The following CHD2 variants were observed in gnomAD, a reference collection of about 807,000 sequenced individuals.
CHD2 encodes ATP-dependent chromatin remodeler CHD2.
Under a neutral mutation model 243.9 loss-of-function variants are expected in CHD2, and 28 were observed. That is an observed-to-expected ratio of 0.11 (90% CI 0.09 to 0.16). The LOEUF (loss-of-function observed/expected upper bound fraction) is 0.16. CHD2 is among the 10% of genes least tolerant of loss of function. The probability of loss-of-function intolerance (pLI) is 1.00; values close to 1 mark genes in which losing one functional copy is unlikely to be tolerated. For synonymous variants in CHD2, 775 were observed against 779.0 expected, an observed-to-expected ratio of 0.99 and a Z score of 0.09; for missense variants, 1,386 against 2,209.8, an observed-to-expected ratio of 0.63 and a Z score of 7.47.
Position 93,012,337 on chromosome 15 carries a change from C to G in CHD2, c.4593-8C>G, listed in dbSNP as rs2054404064. The G allele has an allele frequency of 6.3e-7, 1 of 1,584,312 alleles. No homozygotes were observed. ...TAATTCACCAGAACTGTTCATTTTTCTTTTTAGGAACCTATGGATTTTTGT... is the reference window on the plus strand; with the variant it reads ...TAATTCACCAGAACTGTTCATTTTTGTTTTTAGGAACCTATGGATTTTTGT... On this transcript the variant is annotated splice_region_variant and splice_polypyrimidine_tract_variant and intron_variant, in intron 35 of 38. Transcript: ENST00000394196.
chr15:92,902,515 G>A lies in CHD2; in HGVS notation c.62+1216G>A, dbSNP rs562346435. On this transcript the variant is annotated intron_variant, in intron 2 of 38. Transcript: ENST00000394196. ...AATTTGAAAGTTTTGAACATGATGT[G>A]TTACTAATATGCTGAATTCTATTTA... 3 of 219,904 alleles carry A rather than the reference G, an allele frequency of 1.4e-5. No individual in the cohort carries two copies. The South Asian group carries it at 5.5e-4, about 40-fold the overall frequency. 13.6% of individuals were successfully genotyped at this position (219,904 alleles called of 1,614,324 possible).
intron 34 of CHD2, among the ~76,000 whole-genome samples, chr15:93,007,319 C>T (rs1238656076): frequency 1.3e-5 from 2 of 152,144 alleles, no homozygotes; most frequent in Admixed American, 1.3e-4. Flanking sequence ...CATTCATGTT[C>T]CTTGTGAATT....
At chr15:92,909,737 C>T (rs576103889) in intron 2 of CHD2, among the ~76,000 whole-genome samples, 12 of 152,106 alleles carry the variant, frequency 7.9e-5, no homozygotes, top group African/African-American at 2.9e-4. Context: ...ACCATGTTGC[C>T]CAGGCTGGTC....
At chr15:92,933,638 C>A (rs914252453) in intron 5 of CHD2, among the ~76,000 whole-genome samples, 1 of 152,096 alleles carries the variant, frequency 6.6e-6, no homozygotes, top group African/African-American at 2.4e-5. Flanking sequence ...GCGTTTTATT[C>A]TTACCAGGTG....
At position 92,972,850 on chromosome 15, in the gene CHD2, CA is replaced by C. The variant is rs758722546; in HGVS notation, c.2505+455del. Among the ~76,000 whole-genome samples, 22 of 7,292 alleles carry C rather than the reference CA, an allele frequency of 3.0e-3. 1 individual carries two copies. The highest frequency in any genetic ancestry group is 3.6e-3 in the African/African-American group (14 of 3,870). The allele number at this position is 7,292 out of a possible 152,430, so 4.8% of individuals were successfully genotyped here. On this transcript the variant is annotated intron_variant, in intron 19 of 38. Coordinates refer to ENST00000394196, the MANE Select transcript of CHD2 (RefSeq NM_001271.4). ...TGGGCGACAGAGCGAGACTCCGTCT[CA>C]AAAAAAAAAAAAAAAAAAAAAGATT...
At position 92,900,668 on chromosome 15, in the gene CHD2, T is replaced by C. The variant is rs924916891; in HGVS notation, c.-228T>C. On this transcript the variant is annotated 5_prime_UTR_variant, in exon 1 of 39. Transcript: ENST00000394196. The stretch of plus-strand genomic sequence containing the variant: ...TTCGGACCTGTTTTAGTATTAATTA[T>C]TGCTTTATTTTTTTGACCAGTTAAC... The C allele has an allele frequency of 5.0e-6, 2 of 398,568 alleles. No homozygotes were observed. The highest frequency in any genetic ancestry group is 4.4e-6 in the Non-Finnish European group (1 of 226,156). 24.7% of individuals were successfully genotyped at this position (398,568 alleles called of 1,614,324 possible).
At position 92,946,156 on chromosome 15, in the gene CHD2, T is replaced by C. The variant is rs753188917; in HGVS notation, c.1317T>C (p.Asn439=). Residue 439 remains asparagine (N), a synonymous_variant, in exon 12 of 39, where the codon AAT becomes AAC. Transcript: ENST00000394196. ...DEALIGKKFQ[N]CIDSFHSRNN... is the part of the protein sequence containing the mutation. ...CCCTCATTGGAAAGAAATTCCAGAA[T>C]TGCATTGACAGCTTCCACAGTAGGA... The C allele has an allele frequency of 1.4e-5, 22 of 1,613,688 alleles. No individual in the cohort carries two copies. Among genetic ancestry groups the C allele is most frequent in the Middle Eastern group, 3.3e-4 (2 of 6,080 alleles).
At chr15:92,921,554 CCTGT>C (rs1356761632) in intron 2 of CHD2, 2 of 152,140 alleles carry the variant, frequency 1.3e-5, no homozygotes, top group African/African-American at 2.4e-5. Flanking sequence ...TGTCTCTGTA[CCTGT>C]CTGTCCATGA....
At chr15:92,938,664 C>CT (rs2053307862) in intron 6 of CHD2, among the ~76,000 whole-genome samples, 1 of 152,142 alleles carries the variant, frequency 6.6e-6, no homozygotes, top group African/African-American at 2.4e-5. Context: ...CGTTGATCAT[C>CT]TGTTTAGGTT....
At chr15:92,983,971 G>C (rs2054010692) in intron 24 of CHD2, among the ~76,000 whole-genome samples, 1 of 151,962 alleles carries the variant, frequency 6.6e-6, no homozygotes, top group Non-Finnish European at 1.5e-5. Flanking sequence ...TGGAGTATTA[G>C]GTATTAAGCA....
chr15:92,910,753 C>T lies in CHD2; in HGVS notation c.62+9454C>T, dbSNP rs767884050. 1.4e-4 allele frequency among the ~76,000 whole-genome samples: 21 copies of T among 152,308 alleles called. 1 individual carries two copies. In the South Asian group the frequency reaches 1.5e-3, roughly 11 times the overall value. On this transcript the variant is annotated intron_variant, in intron 2 of 38. Transcript: ENST00000394196. ...TTCCTTCAGTTCCATTGTGTGCTTA[C>T]CAAGGATTAGTAGATACATCTTGAA...
rs150593366 is a variant in CHD2, at chr15:92,904,512, G to T, written c.62+3213G>T. The T allele has an allele frequency of 1.3e-5, 13 of 995,506 alleles. No homozygotes were observed. The South Asian group carries it at 4.3e-4, about 33-fold the overall frequency. 61.7% of individuals were successfully genotyped at this position (995,506 alleles called of 1,614,324 possible). A position where few individuals can be genotyped will look rare whatever the true frequency, so the allele number is the denominator to read the frequency against. ...CGAGGGGAAAAGGAAGGGAACTCTA[G>T]TTGGGACTTTCCGGTGGGCGGCTTC... On this transcript the variant is annotated intron_variant, in intron 2 of 38. Transcript: ENST00000394196.
rs1174230958 is a variant in CHD2, at chr15:93,027,833, G to GAAACAGGTTTT, written c.*3129_*3130insAACAGGTTTTA. 3 of 152,594 alleles carry GAAACAGGTTTT rather than the reference G, an allele frequency of 2.0e-5. No homozygotes were observed. Among genetic ancestry groups the GAAACAGGTTTT allele is most frequent in the Non-Finnish European group, 2.9e-5 (2 of 68,020 alleles). 9.5% of individuals were successfully genotyped at this position (152,594 alleles called of 1,614,324 possible). On this transcript the variant is annotated 3_prime_UTR_variant, in exon 39 of 39. Coordinates refer to ENST00000394196, the MANE Select transcript of CHD2 (RefSeq NM_001271.4). ...AAATTGTGGACTTTTAAAACCTGTTGACTAAACAGTAATTAATTTATATTT... is the reference window on the plus strand; with the variant it reads ...AAATTGTGGACTTTTAAAACCTGTTGAAACAGGTTTTACTAAACAGTAATTAATTTATATTT...
chr15:92,997,489 AG>A lies in CHD2; in HGVS notation c.3885+91del, dbSNP rs1289207686. ...GATTACTTATTTCTAACTATTTTCGAGGGGGCATCAAATTAGAAATTAGTAT... is the reference window on the plus strand; with the variant it reads ...GATTACTTATTTCTAACTATTTTCGAGGGGCATCAAATTAGAAATTAGTAT... On this transcript the variant is annotated intron_variant, in intron 30 of 38. Transcript: ENST00000394196. The surrounding 1 kb of genome is among the most constrained non-coding windows in gnomAD (Gnocchi z 4.1). 1.6e-6 allele frequency: 2 copies of A among 1,238,706 alleles called. No individual in the cohort carries two copies. The highest frequency in any genetic ancestry group is 6.0e-5 in the Admixed American group (2 of 33,546). 76.7% of individuals were successfully genotyped at this position (1,238,706 alleles called of 1,614,324 possible).
At chr15:93,016,486 T>C (rs2054461877) in intron 37 of CHD2, among the ~76,000 whole-genome samples, 1 of 152,218 alleles carries the variant, frequency 6.6e-6, no homozygotes, top group African/African-American at 2.4e-5. Flanking sequence ...AGGTAGTGCA[T>C]ATGTTAATTA....
intron 14 of CHD2, among the ~76,000 whole-genome samples, chr15:92,955,111 C>G (rs2053602750): frequency 6.6e-6 from 1 of 151,926 alleles, no homozygotes; most frequent in Non-Finnish European, 1.5e-5. Flanking sequence ...CTGGGAGATC[C>G]CTTGTTGAGT....
chr15:92,960,708 T>C (rs550234154), intron 16 of CHD2, among the ~76,000 whole-genome samples: 68 of 137,660 alleles, frequency 4.9e-4, no homozygotes, highest in African/African-American at 1.8e-3. Context: ...GTTTGGTGTT[T>C]TTTTTTTTTT....
intron 7 of CHD2, among the ~76,000 whole-genome samples, chr15:92,940,970 A>AATATAT (rs1290465043): frequency 6.4e-5 from 2 of 31,420 alleles, no homozygotes; most frequent in African/African-American, 1.5e-4. Flanking sequence ...TATAAATATA[A>AATATAT]ATATAAATAT....
chr15:92,906,281 T>A (rs2052620287), intron 2 of CHD2, among the ~76,000 whole-genome samples: 1 of 152,168 alleles, frequency 6.6e-6, no homozygotes, highest in Non-Finnish European at 1.5e-5. Flanking sequence ...ATCCTTGCCG[T>A]TTAAAATATG....
Sources: allele counts gnomAD v4.1 joint callset (sites outside exome capture counted in the v4.1 genomes callset), GRCh38; gene constraint gnomAD v4.1.1; non-coding constraint Gnocchi (gnomAD v3.1); transcripts MANE v1.5; gene names NCBI Gene and HGNC (gene_info 2026-07-23, HGNC 2026-07-21).